The following TLE1 variants were observed in gnomAD, a reference collection of about 807,000 sequenced individuals.
The protein encoded by TLE1 is TLE family member 1, transcriptional corepressor.
A neutral mutation model predicts 89.8 loss-of-function variants in TLE1; 21 were observed. The ratio of observed to expected loss-of-function variants is 0.23; its 90% CI spans 0.17 to 0.34. The LOEUF is 0.34. Ranked by LOEUF, TLE1 falls within the 10% of genes least tolerant of loss-of-function variation. The probability of loss-of-function intolerance (pLI) is 1.00; values close to 1 mark genes in which losing one functional copy is unlikely to be tolerated. For missense variants in TLE1, 795 were observed against 1,031.2 expected (o/e 0.77, Z 3.14); for synonymous variants, 447 against 407.6 (o/e 1.10, Z -1.16).
At chr9:81,652,836 G>A (rs1248542187) in intron 5 of TLE1, among the ~76,000 whole-genome samples, 4 of 151,988 alleles carry the variant, frequency 2.6e-5, no homozygotes, top group Admixed American at 6.6e-5. Flanking sequence ...TATTAAATCC[G>A]TTGATTGGTT....
rs1194842736 is a variant in TLE1 at position 81,634,192 on chromosome 9, C to A, written c.482G>T (p.Ser161Ile). The change falls in exon 7 of 20, where the codon AGT becomes ATT. Residue 161 changes from serine (S) to isoleucine (I), a missense_variant. Ser to Ile is a moderately radical substitution (Grantham distance 142). This residue lies in a region of TLE1 where 468 missense variants were observed against 509.1 expected (regional missense o/e 0.92). Coordinates refer to ENST00000376499, the MANE Select transcript of TLE1 (RefSeq NM_005077.5). ...QPPGIPPLGG[S>I]AGLLALSSAL... ...ACTAGACAGCGCAAGAAGGCCGGCA[C>A]TGCCCCCGAGGGGCGGGATTCCAGG... is the stretch of plus-strand genomic sequence containing the variant. 2 of 1,593,130 alleles carry A rather than the reference C, an allele frequency of 1.3e-6. No homozygotes were observed. The highest frequency in any genetic ancestry group is 1.7e-6 in the Non-Finnish European group (2 of 1,168,146).
intron 14 of TLE1, among the ~76,000 whole-genome samples, chr9:81,609,779 C>T (rs1364336536): frequency 6.6e-6 from 1 of 152,164 alleles, no homozygotes; most frequent in Non-Finnish European, 1.5e-5. Flanking sequence ...AAAAAGGTGG[C>T]ACAGAGCTGA....
intron 6 of TLE1, among the ~76,000 whole-genome samples, chr9:81,643,170 TTAA>T (rs1828372238): frequency 6.6e-6 from 1 of 152,110 alleles, no homozygotes; most frequent in Non-Finnish European, 1.5e-5. Context: ...GTGACTATAG[TTAA>T]TAATAACGGT....
At chr9:81,657,940 C>T (rs1462250296) in intron 4 of TLE1, among the ~76,000 whole-genome samples, 3 of 142,254 alleles carry the variant, frequency 2.1e-5, no homozygotes, top group Non-Finnish European at 4.5e-5. Context: ...GACAGAGTCT[C>T]GCTCTGTCAC....
intron 9 of TLE1, among the ~76,000 whole-genome samples, chr9:81,619,978 A>C (rs1195908995): frequency 6.6e-6 from 1 of 152,218 alleles, no homozygotes; most frequent in Non-Finnish European, 1.5e-5. Flanking sequence ...TCAGAACAGC[A>C]TCCACAAAGC....
chr9:81,649,394 GC>G (rs1241445426), intron 6 of TLE1, among the ~76,000 whole-genome samples: 1 of 152,144 alleles, frequency 6.6e-6, no homozygotes, highest in African/African-American at 2.4e-5. Flanking sequence ...TAACCTAGAA[GC>G]TGGATGTCCT....
rs539550404 is a variant in TLE1, at chr9:81,594,416, G to A, written c.1332-1142C>T. Among the ~76,000 whole-genome samples, 21 of 152,160 alleles carry A rather than the reference G, an allele frequency of 1.4e-4. No individual in the cohort carries two copies. In the East Asian group the frequency reaches 3.3e-3, roughly 24 times the overall value. On this transcript the variant is annotated intron_variant, in intron 14 of 19. Coordinates refer to ENST00000376499, the MANE Select transcript of TLE1 (RefSeq NM_005077.5). ...ATGAAACTGGAAACCATCATTCCCA[G>A]CAAACTAACACAGGAACAGAAAACC... is the stretch of plus-strand genomic sequence containing the variant.
Position 81,593,329 on chromosome 9 carries a change from T to C in TLE1, c.1332-55A>G, listed in dbSNP as rs544022525. The C allele has an allele frequency of 1.3e-3, 1,937 of 1,540,116 alleles. 1 individual carries two copies. The highest frequency in any genetic ancestry group is 1.6e-3 in the Non-Finnish European group (1,866 of 1,135,712). ...GAAAACACATTTACAGAGGAAGCAA[T>C]CCCTATCTCGGCAATGTGCTACGAC... On this transcript the variant is annotated intron_variant, in intron 14 of 19. Coordinates refer to ENST00000376499, the MANE Select transcript of TLE1 (RefSeq NM_005077.5).
chr9:81,615,925 C>T, intron 11 of TLE1, 57 bp downstream of exon 11: 1 of 1,603,894 alleles, frequency 6.2e-7, no homozygotes, highest in Middle Eastern at 2.2e-4. Context: ...CAGAGTCCTC[C>T]AGTCCACAAT....
chr9:81,599,950 A>T, intron 14 of TLE1: 1 of 540,882 alleles, frequency 1.8e-6, no homozygotes, highest in Non-Finnish European at 3.4e-6. Context: ...TGGATATGTA[A>T]AAGAAGATTA....
chr9:81,633,309 GTGTGTGT>G (rs778575921), intron 8 of TLE1, 32 bp downstream of exon 8: 2 of 1,608,798 alleles, frequency 1.2e-6, no homozygotes, highest in Non-Finnish European at 1.7e-6. Context: ...GTGTGTGTGT[GTGTGTGT>G]GTGTGTGTGC....
At position 81,660,978 on chromosome 9, in the gene TLE1, C is replaced by CACACACACACACACACA. The variant is rs140689682; in HGVS notation, c.235-6943_235-6942insTGTGTGTGTGTGTGTGT. Among the ~76,000 whole-genome samples, 184 of 121,822 alleles carry CACACACACACACACACA rather than the reference C, an allele frequency of 1.5e-3. 6 individuals carry two copies. The highest frequency in any genetic ancestry group is 4.4e-3 in the Middle Eastern group (1 of 228). 79.9% of individuals were successfully genotyped at this position (121,822 alleles called of 152,430 possible). A position where few individuals can be genotyped will look rare whatever the true frequency, so the allele number is the denominator to read the frequency against. On this transcript the variant is annotated intron_variant, in intron 4 of 19. Transcript: ENST00000376499. ...ACACACACACACACACACACACACA[C>CACACACACACACACACA]ATTTAGCCTGGCGTGGTGGCACGTG... is the stretch of plus-strand genomic sequence containing the variant.
At chr9:81,593,317 C>A in intron 14 of TLE1, 43 bp from the exon 15 acceptor site, 1 of 1,563,426 alleles carries the variant, frequency 6.4e-7, no homozygotes, top group Non-Finnish European at 8.7e-7. Flanking sequence ...AACACATTTA[C>A]AGAGGAAGCA....
At chr9:81,599,757 G>T (rs2131918756) in intron 14 of TLE1, 1 of 233,514 alleles carries the variant, frequency 4.3e-6, no homozygotes, top group Admixed American at 5.4e-5. Flanking sequence ...TGCAGAACAG[G>T]GTATAATTCC....
rs944323263 is a variant in TLE1, at chr9:81,689,231, G to A, written c.-991C>T. On this transcript the variant is annotated 5_prime_UTR_variant, in exon 1 of 20. Coordinates refer to ENST00000376499, the MANE Select transcript of TLE1 (RefSeq NM_005077.5). Reference sequence around the variant, plus strand: ...TGCAAAGTTCTCTCACCACCCGAGGGACGACATCCACGAGATGGTGGGGAA... The same window carrying A: ...TGCAAAGTTCTCTCACCACCCGAGGAACGACATCCACGAGATGGTGGGGAA... The A allele has an allele frequency of 3.3e-5, 5 of 152,310 alleles. No homozygotes were observed. The highest frequency in any genetic ancestry group is 7.2e-5 in the African/African-American group (3 of 41,470). 9.4% of individuals were successfully genotyped at this position (152,310 alleles called of 1,614,324 possible).
intron 15 of TLE1, among the ~76,000 whole-genome samples, chr9:81,592,705 C>T (rs747279568): frequency 2.0e-5 from 3 of 152,140 alleles, no homozygotes; most frequent in Non-Finnish European, 4.4e-5. Flanking sequence ...GATCAGAGTC[C>T]AGGCCCAGTT....
chr9:81,592,389 T>C (rs993240387), intron 15 of TLE1, among the ~76,000 whole-genome samples: 5 of 152,096 alleles, frequency 3.3e-5, no homozygotes, highest in African/African-American at 1.2e-4. Flanking sequence ...TCCGAACATG[T>C]CCCAACATGT....
At chr9:81,640,764 G>A (rs966965238) in intron 6 of TLE1, among the ~76,000 whole-genome samples, 1 of 152,096 alleles carries the variant, frequency 6.6e-6, no homozygotes, top group African/African-American at 2.4e-5. Context: ...TTACTGTAAT[G>A]GTATAGTTTC....
intron 4 of TLE1, among the ~76,000 whole-genome samples, chr9:81,672,567 GCAC>G (rs1257864426): frequency 2.6e-5 from 4 of 151,412 alleles, no homozygotes; most frequent in Admixed American, 2.0e-4. Context: ...AAGAAAGACA[GCAC>G]CACAACTACT....
Sources: allele counts gnomAD v4.1 joint callset (sites outside exome capture counted in the v4.1 genomes callset), GRCh38; gene constraint gnomAD v4.1.1; regional missense constraint gnomAD v4.1.1; transcripts MANE v1.5; gene names NCBI Gene and HGNC (gene_info 2026-07-23, HGNC 2026-07-21).